CEP128: variants seen among roughly 807,000 people sequenced by gnomAD.
CEP128 encodes the protein centrosomal protein 128.
Under a neutral mutation model 156.7 loss-of-function variants are expected in CEP128, and 132 were observed. The observed-to-expected ratio is 0.84, with a 90% confidence interval of 0.73 to 0.97. The LOEUF (loss-of-function observed/expected upper bound fraction) is 0.97, where lower values mean the gene tolerates loss of function less well. Among genes scored for constraint, CEP128 ranks in the 50% least tolerant of loss-of-function variants. CEP128 has a pLI of 0.00. For missense variants in CEP128, 1,252 were observed against 1,281.9 expected (o/e 0.98, Z 0.36); for synonymous variants, 469 against 448.9 (o/e 1.04, Z -0.57).
intron 19 of CEP128, among the ~76,000 whole-genome samples, chr14:80,626,202 C>T (rs553502838): frequency 1.3e-5 from 2 of 151,896 alleles, no homozygotes; most frequent in Non-Finnish European, 2.9e-5. Context: ...CGGTGGCTCA[C>T]GCCTGTAATC....
intron 15 of CEP128, among the ~76,000 whole-genome samples, chr14:80,782,213 T>C (rs373911529): frequency 4.6e-5 from 7 of 152,310 alleles, no homozygotes; most frequent in African/African-American, 1.7e-4. Context: ...ATATCTTAAA[T>C]AGCCAAGTGT....
chr14:80,784,722 A>G (rs1901304507), intron 15 of CEP128, among the ~76,000 whole-genome samples, 173 bp downstream of exon 15: 1 of 152,214 alleles, frequency 6.6e-6, no homozygotes, highest in South Asian at 2.1e-4. Flanking sequence ...GGTGGCTGTT[A>G]TAACTCATTT....
At chr14:80,594,558 T>C (rs1466251903) in intron 19 of CEP128, among the ~76,000 whole-genome samples, 1 of 152,182 alleles carries the variant, frequency 6.6e-6, no homozygotes, top group Non-Finnish European at 1.5e-5. Context: ...GAGAACATTT[T>C]TGCAATCTCT....
intron 18 of CEP128, among the ~76,000 whole-genome samples, chr14:80,743,934 C>T (rs1236695993): frequency 6.6e-6 from 1 of 151,122 alleles, no homozygotes; most frequent in Non-Finnish European, 1.5e-5. Context: ...TACAGTGGCA[C>T]GCTCTTGGCT....
In CEP128 at chr14:80,784,981, T is replaced by C. The variant is rs1901319537; in HGVS notation, c.2125A>G (p.Thr709Ala). ...TCCTGGATATTCTGTTCGTGTTTTGTTTTCACACTCTGCAATGATGATGTG... is the reference window on the plus strand; with the variant it reads ...TCCTGGATATTCTGTTCGTGTTTTGCTTTCACACTCTGCAATGATGATGTG... The part of the protein sequence containing the change: ...DLTSSLQSVK[T>A]KHEQNIQELM... Residue 709 changes from threonine (T) to alanine (A), a missense_variant, in exon 15 of 25, where the codon ACA (threonine) becomes GCA (alanine). By Grantham distance (58) the Thr-to-Ala change is moderately conservative. Coordinates refer to ENST00000555265, the MANE Select transcript of CEP128 (RefSeq NM_152446.5). The C allele has an allele frequency of 6.2e-7, 1 of 1,614,080 alleles. No homozygotes were observed. The highest frequency in any genetic ancestry group is 1.7e-5 in the Admixed American group (1 of 60,012).
At chr14:80,554,700 T>G (rs1282662767) in intron 21 of CEP128, among the ~76,000 whole-genome samples, 7 of 152,132 alleles carry the variant, frequency 4.6e-5, no homozygotes, top group Admixed American at 4.6e-4. Flanking sequence ...CTATATCCTT[T>G]TTTTCAATCA....
At chr14:80,504,298 C>G (rs963417318) in intron 24 of CEP128, among the ~76,000 whole-genome samples, 6 of 152,154 alleles carry the variant, frequency 3.9e-5, no homozygotes, top group African/African-American at 1.4e-4. Flanking sequence ...TTGTAGCACA[C>G]TGTGGGTGCT....
chr14:80,477,685 C>G (rs1423763668), exon 15 of CEP128: 1 of 152,142 alleles, frequency 6.6e-6, no homozygotes, highest in Non-Finnish European at 1.5e-5. Flanking sequence ...CTGATTTTAC[C>G]AGATTCCTTT....
chr14:80,492,616 G>A (rs1887362432), downstream of CEP128, among the ~76,000 whole-genome samples: 2 of 152,192 alleles, frequency 1.3e-5, no homozygotes, highest in Admixed American at 6.5e-5. Context: ...GTACTGTTTC[G>A]AAGTACAAAT....
chr14:80,624,506 G>T (rs978803262), intron 19 of CEP128, among the ~76,000 whole-genome samples: 1 of 152,116 alleles, frequency 6.6e-6, no homozygotes, highest in African/African-American at 2.4e-5. Flanking sequence ...CTTCCGTACT[G>T]TTTTCCATAA....
chr14:80,740,026 A>G (rs989272743), intron 19 of CEP128, among the ~76,000 whole-genome samples: 1 of 152,182 alleles, frequency 6.6e-6, no homozygotes, highest in Non-Finnish European at 1.5e-5. Context: ...ATTTGGGCCA[A>G]TGGCAAGATA....
At chr14:80,603,626 C>A (rs28464324) in intron 19 of CEP128, among the ~76,000 whole-genome samples, 4,275 of 152,174 alleles carry the variant, frequency 0.028, 214 homozygotes, top group African/African-American at 0.097. Flanking sequence ...TTCCTCCGCT[C>A]TAAAATAGAC....
At chr14:80,867,839 A>AT (rs1887839249) in intron 8 of CEP128, among the ~76,000 whole-genome samples, 1 of 152,180 alleles carries the variant, frequency 6.6e-6, no homozygotes, top group South Asian at 2.1e-4. Flanking sequence ...CTGGAAAAAG[A>AT]ACACCCAGAT....
At chr14:80,707,673 T>C (rs191866783) in intron 19 of CEP128, among the ~76,000 whole-genome samples, 31 of 152,326 alleles carry the variant, frequency 2.0e-4, no homozygotes, top group African/African-American at 7.2e-4. Context: ...TACTACTACA[T>C]GATTTTTACT....
intron 2 of CEP128, among the ~76,000 whole-genome samples, chr14:80,927,112 T>G (rs992426746): frequency 4.6e-5 from 7 of 152,110 alleles, no homozygotes; most frequent in Non-Finnish European, 5.9e-5. Context: ...AGCAGCAAGA[T>G]TCACAGTGGT....
At chr14:80,578,059 C>T (rs1358558742) in intron 20 of CEP128, among the ~76,000 whole-genome samples, 2 of 152,162 alleles carry the variant, frequency 1.3e-5, no homozygotes, top group African/African-American at 2.4e-5. Context: ...GCCAACCTAC[C>T]CTTACCTATG....
At chr14:80,805,284 T>C (rs1884112304) in intron 13 of CEP128, among the ~76,000 whole-genome samples, 1 of 152,096 alleles carries the variant, frequency 6.6e-6, no homozygotes, top group Non-Finnish European at 1.5e-5. Flanking sequence ...ATATTCTTGC[T>C]AATTTGGGCA....
At chr14:80,936,289 G>A (rs1226798263) in intron 2 of CEP128, among the ~76,000 whole-genome samples, 1 of 152,130 alleles carries the variant, frequency 6.6e-6, no homozygotes, top group Non-Finnish European at 1.5e-5. Context: ...GGCCAAAGTG[G>A]GAGGATCACT....
intron 8 of CEP128, among the ~76,000 whole-genome samples, chr14:80,888,845 C>T (rs1340415150): frequency 2.0e-5 from 3 of 152,068 alleles, no homozygotes; most frequent in Admixed American, 6.6e-5. Flanking sequence ...AAATTGTCTC[C>T]GTTTGCAGAG....
Sources: gnomAD v4.1 joint callset for allele counts (sites outside exome capture counted in the v4.1 genomes callset) on GRCh38, gnomAD v4.1.1 for gene constraint, MANE v1.5 for transcripts, NCBI Gene and HGNC (gene_info 2026-07-23, HGNC 2026-07-21) for gene names.